EXOC4: variants seen among roughly 807,000 people sequenced by gnomAD.
EXOC4 encodes SEC8-like 1.
A neutral mutation model predicts 107.2 loss-of-function variants in EXOC4; 71 were observed. The ratio of observed to expected loss-of-function variants is 0.66; its 90% CI spans 0.55 to 0.81. The LOEUF (loss-of-function observed/expected upper bound fraction) is 0.81. Ranked by LOEUF, EXOC4 falls within the 30% of genes least tolerant of loss-of-function variation. The pLI, the probability that EXOC4 is intolerant of heterozygous loss-of-function variation, is 0.00. For synonymous variants in EXOC4, 456 were observed against 441.2 expected (o/e 1.03, Z -0.42); for missense variants, 1,108 against 1,189.6 (o/e 0.93, Z 1.01).
intron 5 of EXOC4, among the ~76,000 whole-genome samples, chr7:133,350,872 T>A (rs904979806): frequency 7.0e-4 from 107 of 152,172 alleles, no homozygotes; most frequent in Non-Finnish European, 2.9e-4. Flanking sequence ...TATAATTTTT[T>A]AATTTAGCAA....
At chr7:133,581,723 A>G (rs1411007711) in intron 9 of EXOC4, among the ~76,000 whole-genome samples, 2 of 141,366 alleles carry the variant, frequency 1.4e-5, no homozygotes, top group Non-Finnish European at 3.0e-5. Context: ...GCGCCACTGC[A>G]GTCCAGCTTG....
intron 9 of EXOC4, among the ~76,000 whole-genome samples, chr7:133,561,500 G>A (rs780834941): frequency 1.3e-5 from 2 of 152,192 alleles, no homozygotes; most frequent in Non-Finnish European, 2.9e-5. Context: ...ATCATTTATA[G>A]TGTGTTTTCC....
At chr7:134,033,925 G>A (rs1030932391) in intron 17 of EXOC4, among the ~76,000 whole-genome samples, 2 of 152,110 alleles carry the variant, frequency 1.3e-5, no homozygotes, top group African/African-American at 4.8e-5. Flanking sequence ...ACAGTGTATC[G>A]GCCAATTTTG....
intron 10 of EXOC4, among the ~76,000 whole-genome samples, chr7:133,630,875 G>T (rs1033050100): frequency 1.1e-4 from 16 of 151,978 alleles, no homozygotes; most frequent in Admixed American, 8.5e-4. Context: ...CTCCATTAAA[G>T]AAAAAATATA....
chr7:134,052,888 G>A (rs1795829933), intron 17 of EXOC4, among the ~76,000 whole-genome samples: 1 of 152,100 alleles, frequency 6.6e-6, no homozygotes, highest in African/African-American at 2.4e-5. Flanking sequence ...CCATTATCCT[G>A]ACCATCTCCC....
rs761457557 is a variant in EXOC4, at chr7:133,274,984, CTCTG to C, written c.93_96del (p.Ser32LeufsTer29). The C allele has an allele frequency of 2.5e-6, 4 of 1,598,342 alleles. No homozygotes were observed. The highest frequency in any genetic ancestry group is 1.7e-6 in the Non-Finnish European group (2 of 1,172,462). On this transcript the variant is annotated frameshift_variant, in exon 2 of 18. Coordinates refer to ENST00000253861, the MANE Select transcript of EXOC4 (RefSeq NM_021807.4). LOFTEE classifies it high-confidence loss of function. The stretch of plus-strand genomic sequence containing the variant: ...GATATACTCTCTGCCTTCACCAGGA[CTCTG>C]TCTACTAGTGACGATGTCGAAGACA...
intron 7 of EXOC4, among the ~76,000 whole-genome samples, chr7:133,416,457 TC>T (rs1797476768): frequency 6.6e-6 from 1 of 152,174 alleles, no homozygotes; most frequent in South Asian, 2.1e-4. Flanking sequence ...CACTCAAAGA[TC>T]CTTTGAGTAA....
chr7:133,618,441 G>A (rs1283751011), intron 9 of EXOC4, among the ~76,000 whole-genome samples: 2 of 152,006 alleles, frequency 1.3e-5, no homozygotes, highest in Admixed American at 1.3e-4. Context: ...TATTCAAAAT[G>A]TTAATTAACA....
At chr7:133,395,559 C>A (rs1401660068) in intron 7 of EXOC4, among the ~76,000 whole-genome samples, 1 of 151,970 alleles carries the variant, frequency 6.6e-6, no homozygotes, top group Non-Finnish European at 1.5e-5. Flanking sequence ...GTGAATAGGA[C>A]CCCAGAATGT....
At chr7:133,866,373 C>T (rs1017584089) in intron 11 of EXOC4, among the ~76,000 whole-genome samples, 12 of 152,086 alleles carry the variant, frequency 7.9e-5, no homozygotes, top group Admixed American at 5.9e-4. Flanking sequence ...TTGTGTGTCT[C>T]AAGGCCTAGT....
At chr7:133,380,959 G>T (rs550869486) in intron 7 of EXOC4, among the ~76,000 whole-genome samples, 14 of 152,018 alleles carry the variant, frequency 9.2e-5, no homozygotes, top group Non-Finnish European at 2.1e-4. Context: ...TTCTCTTTCC[G>T]CACTTTTCTT....
At chr7:133,437,491 G>A (rs1404771181) in intron 7 of EXOC4, among the ~76,000 whole-genome samples, 1 of 152,184 alleles carries the variant, frequency 6.6e-6, no homozygotes, top group Non-Finnish European at 1.5e-5. Context: ...AAGAATGCCT[G>A]TGACCTCATG....
chr7:133,451,436 G>A (rs1353812525), intron 7 of EXOC4, among the ~76,000 whole-genome samples: 1 of 151,908 alleles, frequency 6.6e-6, no homozygotes, highest in African/African-American at 2.4e-5. Flanking sequence ...AAATTTAAAT[G>A]TGCTTTGGTT....
At chr7:133,596,435 C>T (rs1801676593) in intron 9 of EXOC4, among the ~76,000 whole-genome samples, 1 of 152,150 alleles carries the variant, frequency 6.6e-6, no homozygotes, top group South Asian at 2.1e-4. Flanking sequence ...CTTTAAACTC[C>T]CGTTCTTTAT....
intron 9 of EXOC4, among the ~76,000 whole-genome samples, chr7:133,539,129 A>G (rs1800333469): frequency 1.3e-5 from 2 of 152,120 alleles, no homozygotes; most frequent in Admixed American, 1.3e-4. Flanking sequence ...ACTTCTAGAA[A>G]GAACAATTTT....
intron 7 of EXOC4, among the ~76,000 whole-genome samples, chr7:133,398,465 A>C (rs1232271050): frequency 1.3e-5 from 2 of 152,086 alleles, no homozygotes; most frequent in Non-Finnish European, 2.9e-5. Flanking sequence ...TCAATCCAGG[A>C]TCTTAGTGAT....
chr7:133,884,477 C>CCCAAA (rs1182306861), intron 11 of EXOC4, among the ~76,000 whole-genome samples: 1 of 152,088 alleles, frequency 6.6e-6, no homozygotes, highest in Non-Finnish European at 1.5e-5. Flanking sequence ...GTTAGCCACT[C>CCCAAA]CCAAATTACC....
chr7:133,365,222 A>G (rs944650667), intron 6 of EXOC4, among the ~76,000 whole-genome samples: 5 of 152,232 alleles, frequency 3.3e-5, no homozygotes, highest in Non-Finnish European at 5.9e-5. Flanking sequence ...AAGCACTTGT[A>G]CTAAGAACAA....
intron 10 of EXOC4, among the ~76,000 whole-genome samples, chr7:133,693,747 C>T (rs543789369): frequency 6.6e-6 from 1 of 151,800 alleles, no homozygotes; most frequent in African/African-American, 2.4e-5. Context: ...CTCCGTAGTC[C>T]CTGGCAGAGA....
Sources: gnomAD v4.1 joint callset for allele counts (sites outside exome capture counted in the v4.1 genomes callset) on GRCh38, gnomAD v4.1.1 for gene constraint, MANE v1.5 for transcripts, NCBI Gene and HGNC (gene_info 2026-07-23, HGNC 2026-07-21) for gene names.